Variants in RARB observed in about 807,000 individuals in gnomAD.
The protein encoded by RARB is HBV-activated protein.
A neutral mutation model predicts 51.9 loss-of-function variants in RARB; 17 were observed. The observed-to-expected ratio is 0.33, with a 90% confidence interval of 0.22 to 0.49. The LOEUF (loss-of-function observed/expected upper bound fraction) is 0.49, where lower values mean the gene tolerates loss of function less well. RARB is among the 20% of genes least tolerant of loss of function. The pLI is 0.99. For missense variants in RARB, 369 were observed against 550.8 expected, an observed-to-expected ratio of 0.67 and a Z score of 3.30; for synonymous variants, 215 against 195.4, an observed-to-expected ratio of 1.10 and a Z score of -0.84.
At chr3:25,542,988 A>T (rs759441554) in intron 3 of RARB, among the ~76,000 whole-genome samples, 62 of 152,210 alleles carry the variant, frequency 4.1e-4, no homozygotes, top group Non-Finnish European at 6.3e-4. Flanking sequence ...CAAGATTATA[A>T]CATTTGTGTA....
intron 5 of RARB, among the ~76,000 whole-genome samples, chr3:25,388,007 G>C (rs981247864): frequency 6.6e-6 from 1 of 151,972 alleles, no homozygotes; most frequent in African/African-American, 2.4e-5. Context: ...TTTTGGATTC[G>C]GTTAGTGATT....
intron 3 of RARB, among the ~76,000 whole-genome samples, chr3:25,090,491 C>T (rs1699178123): frequency 6.6e-6 from 1 of 152,116 alleles, no homozygotes; most frequent in Admixed American, 6.6e-5. Flanking sequence ...ATCTCCTGTG[C>T]TCTGAAGATG....
At chr3:25,589,631 C>A (rs905128997) in intron 5 of RARB, among the ~76,000 whole-genome samples, 10 of 152,176 alleles carry the variant, frequency 6.6e-5, no homozygotes, top group Non-Finnish European at 1.0e-4. Context: ...ACAAGTGGGC[C>A]TCCCCCAGGA....
intron 2 of RARB, among the ~76,000 whole-genome samples, chr3:25,051,432 A>T (rs894414622): frequency 6.6e-6 from 1 of 152,158 alleles, no homozygotes; most frequent in Non-Finnish European, 1.5e-5. Flanking sequence ...ATGCCTAAAA[A>T]CCAAAGTAGA....
intron 2 of RARB, among the ~76,000 whole-genome samples, chr3:24,867,027 T>A (rs1446602435): frequency 6.6e-6 from 1 of 152,088 alleles, no homozygotes; most frequent in African/African-American, 2.4e-5. Flanking sequence ...GGTCATCAGA[T>A]ATGCAAAAAA....
intron 5 of RARB, among the ~76,000 whole-genome samples, chr3:25,391,808 A>G (rs1326575464): frequency 6.6e-6 from 1 of 152,124 alleles, no homozygotes; most frequent in Non-Finnish European, 1.5e-5. Flanking sequence ...TTGGATGGAT[A>G]GATGATGAAG....
At chr3:25,352,858 C>T (rs957046357) in intron 5 of RARB, among the ~76,000 whole-genome samples, 2 of 152,158 alleles carry the variant, frequency 1.3e-5, no homozygotes, top group African/African-American at 4.8e-5. Flanking sequence ...ACTTGAATTC[C>T]AGATGTGACT....
intron 3 of RARB, among the ~76,000 whole-genome samples, chr3:25,543,005 T>C (rs1038229512): frequency 6.6e-6 from 1 of 152,176 alleles, no homozygotes. Flanking sequence ...TGTATACCCA[T>C]GGACACAACT....
chr3:25,503,601 TAGAAATGGGA>T (rs1355681775), intron 3 of RARB, among the ~76,000 whole-genome samples: 1 of 152,064 alleles, frequency 6.6e-6, no homozygotes, highest in African/African-American at 2.4e-5. Context: ...TTTAAAAATA[TAGAAATGGGA>T]AGAAAATGGG....
At chr3:25,210,286 C>A (rs1044006790) in intron 5 of RARB, among the ~76,000 whole-genome samples, 1 of 152,138 alleles carries the variant, frequency 6.6e-6, no homozygotes, top group African/African-American at 2.4e-5. Flanking sequence ...ACACCCTGTG[C>A]AGCACAGTGC....
At chr3:25,391,807 T>C (rs1195406438) in intron 5 of RARB, among the ~76,000 whole-genome samples, 1 of 152,188 alleles carries the variant, frequency 6.6e-6, no homozygotes, top group Non-Finnish European at 1.5e-5. Context: ...GTTGGATGGA[T>C]AGATGATGAA....
At chr3:24,874,748 T>C (rs1703010067) in intron 2 of RARB, among the ~76,000 whole-genome samples, 1 of 152,018 alleles carries the variant, frequency 6.6e-6, no homozygotes, top group Non-Finnish European at 1.5e-5. Context: ...TAGTTTTACT[T>C]AATGTAGTTC....
intron 5 of RARB, among the ~76,000 whole-genome samples, chr3:25,198,355 T>A (rs183752407): frequency 3.2e-4 from 48 of 152,048 alleles, no homozygotes; most frequent in African/African-American, 1.1e-3. Flanking sequence ...TGCAGGAAAT[T>A]GATCTGGGCA....
intron 5 of RARB, chr3:25,352,289 A>G (rs935897739): frequency 1.1e-4 from 17 of 152,118 alleles, no homozygotes; most frequent in African/African-American, 3.6e-4. Flanking sequence ...GGAGAGGAAA[A>G]CAATCTCAGA....
chr3:25,417,106 T>G (rs549098245), intron 5 of RARB, among the ~76,000 whole-genome samples: 1 of 152,072 alleles, frequency 6.6e-6, no homozygotes, highest in South Asian at 2.1e-4. Flanking sequence ...ACTGAGCCTT[T>G]CCTTAGAAGC....
chr3:25,410,065 G>A (rs1707518455), intron 5 of RARB, among the ~76,000 whole-genome samples: 1 of 152,136 alleles, frequency 6.6e-6, no homozygotes, highest in Non-Finnish European at 1.5e-5. Context: ...CATTGTCTTA[G>A]CCTATAATCC....
rs114269656 is a variant in RARB at position 25,216,891 on chromosome 3, T to G, written c.178+42316T>G. The stretch of plus-strand genomic sequence containing the variant: ...TCTCTTGTTTCCCTTGGCTGAGATT[T>G]TGCTGATTTCATTCCCACACTGTAG... On this transcript the variant is annotated intron_variant, in intron 5 of 11. Coordinates refer to the RARB transcript ENST00000383772. 9.5e-3 allele frequency among the ~76,000 whole-genome samples: 1,442 copies of G among 152,230 alleles called. 21 individuals are homozygous for G. Among genetic ancestry groups the G allele is most frequent in the African/African-American group, 0.033 (1,375 of 41,542 alleles).
chr3:25,012,612 T>A (rs556486957), intron 2 of RARB, among the ~76,000 whole-genome samples: 6 of 152,286 alleles, frequency 3.9e-5, no homozygotes, highest in African/African-American at 1.2e-4. Flanking sequence ...ATTGCTTCTG[T>A]AGTTTGGCAT....
At chr3:25,431,240 C>T (rs1708195414) in intron 1 of RARB, among the ~76,000 whole-genome samples, 1 of 152,078 alleles carries the variant, frequency 6.6e-6, no homozygotes, top group African/African-American at 2.4e-5. Flanking sequence ...CCAACCAAAA[C>T]TATTTTCTGC....
Sources: gnomAD v4.1 joint callset for allele counts (sites outside exome capture counted in the v4.1 genomes callset) on GRCh38, gnomAD v4.1.1 for gene constraint, MANE v1.5 for transcripts, NCBI Gene and HGNC (gene_info 2026-07-23, HGNC 2026-07-21) for gene names.